Variants in AGO4 observed in about 807,000 individuals in gnomAD.
AGO4 encodes the protein protein argonaute-4.
AGO4 carries 33 observed loss-of-function variants against 104.7 expected under a neutral mutation model. That is an observed-to-expected ratio of 0.32 (90% CI 0.24 to 0.42). AGO4 has a LOEUF of 0.42. Among genes scored for constraint, AGO4 ranks in the 10% least tolerant of loss-of-function variants. The pLI is 1.00. For missense variants in AGO4, 711 were observed against 1,083.4 expected (o/e 0.66, Z 4.83); for synonymous variants, 331 against 364.7 (o/e 0.91, Z 1.05).
intron 3 of AGO4, 121 bp downstream of exon 3, chr1:35,823,103 T>TTAA: frequency 8.5e-7 from 1 of 1,179,824 alleles, no homozygotes; most frequent in Non-Finnish European, 1.2e-6. Context: ...GATATCCTAA[T>TTAA]TAACCTGATT....
intron 7 of AGO4, among the ~76,000 whole-genome samples, chr1:35,829,840 TAAAAAAAAA>T (rs752406279): frequency 6.4e-5 from 4 of 62,184 alleles, no homozygotes; most frequent in Non-Finnish European, 8.7e-5. Context: ...GACTACATCT[TAAAAAAAAA>T]AAAAAAAAAA....
At chr1:35,847,924 T>G (rs1644611807) in intron 15 of AGO4, among the ~76,000 whole-genome samples, 1 of 152,034 alleles carries the variant, frequency 6.6e-6, no homozygotes. Flanking sequence ...ACAAATAATG[T>G]GCAGTGATCA....
intron 10 of AGO4, 80 bp downstream of exon 10, chr1:35,832,265 A>C: frequency 6.4e-7 from 1 of 1,563,708 alleles, no homozygotes; most frequent in South Asian, 1.2e-5. Context: ...CTACTCTGCC[A>C]CTGCTGAATT....
At chr1:35,819,244 G>T (rs1473538784) in intron 2 of AGO4, among the ~76,000 whole-genome samples, 1 of 152,132 alleles carries the variant, frequency 6.6e-6, no homozygotes, top group East Asian at 1.9e-4. Flanking sequence ...CAGAAGCAGG[G>T]AGTAGCAGAT....
At chr1:35,824,891 T>G (rs1557557944) in intron 3 of AGO4, among the ~76,000 whole-genome samples, 1 of 152,192 alleles carries the variant, frequency 6.6e-6, no homozygotes, top group East Asian at 1.9e-4. Context: ...TTTTCAGAAC[T>G]TTTTCATCAT....
chr1:35,807,697 G>C (rs1643340617), upstream of AGO4, among the ~76,000 whole-genome samples: 1 of 152,200 alleles, frequency 6.6e-6, no homozygotes, highest in Non-Finnish European at 1.5e-5. Context: ...TGAATGAAGG[G>C]ATGAAGGAGG....
chr1:35,843,223 G>T (rs2148680467), intron 15 of AGO4, among the ~76,000 whole-genome samples: 1 of 152,094 alleles, frequency 6.6e-6, no homozygotes, highest in East Asian at 1.9e-4. Flanking sequence ...CCACCACCAT[G>T]CCCAGCTAAT....
At chr1:35,821,025 T>A (rs1643876961) in intron 2 of AGO4, among the ~76,000 whole-genome samples, 1 of 152,224 alleles carries the variant, frequency 6.6e-6, no homozygotes, top group South Asian at 2.1e-4. Context: ...AATCATTGTG[T>A]GATCAGGGAC....
intron 7 of AGO4, among the ~76,000 whole-genome samples, chr1:35,829,764 A>G (rs546312464): frequency 2.0e-5 from 3 of 146,412 alleles, no homozygotes; most frequent in African/African-American, 7.5e-5. Flanking sequence ...CAGGAGAATC[A>G]CTTGAACCCG....
chr1:35,853,545 G>A lies in AGO4; in HGVS notation c.2526G>A (p.Gln842=). The A allele has an allele frequency of 6.2e-7, 1 of 1,613,968 alleles. No individual in the cohort carries two copies. Among genetic ancestry groups the A allele is most frequent in the East Asian group, 2.2e-5 (1 of 44,878 alleles). ...VSGQSNGRDP[Q]ALAKAVQIHH... is the part of the protein sequence containing the mutation. ...GACAGAGCAACGGCCGGGATCCTCAGGCCTTGGCTAAGGCTGTGCAAATCC... is the reference window on the plus strand; with the variant it reads ...GACAGAGCAACGGCCGGGATCCTCAAGCCTTGGCTAAGGCTGTGCAAATCC... The change falls in exon 18 of 18, where the codon CAG becomes CAA. Residue 842 remains glutamine, a synonymous_variant. Transcript: ENST00000373210.
At chr1:35,836,770 C>G (rs1363693977) in intron 13 of AGO4, among the ~76,000 whole-genome samples, 6 of 152,216 alleles carry the variant, frequency 3.9e-5, no homozygotes, top group Non-Finnish European at 7.3e-5. Flanking sequence ...AACACTCTTT[C>G]TGTTGTGTGG....
rs1361844452 is a variant in AGO4 at position 35,855,811 on chromosome 1, A to T, written c.*2206A>T. On this transcript the variant is annotated 3_prime_UTR_variant, in exon 18 of 18. Transcript: ENST00000373210. The stretch of plus-strand genomic sequence containing the variant: ...GGCCACTCTGGACCCAAGAGGAGGA[A>T]AAAACGGAAGCTTTTTTAGGAGAAG... 3 of 152,208 alleles carry T rather than the reference A, an allele frequency of 2.0e-5. No homozygotes were observed. The highest frequency in any genetic ancestry group is 4.4e-5 in the Non-Finnish European group (3 of 68,060). The allele number at this position is 152,208 out of a possible 1,614,324, so 9.4% of individuals were successfully genotyped here. A position where few individuals can be genotyped will look rare whatever the true frequency, so the allele number is the denominator to read the frequency against.
chr1:35,808,435 G>C lies in AGO4; in HGVS notation c.19G>C (p.Gly7Arg). ...CGCCGCCATGGAGGCGCTGGGACCC[G>C]GTGAGGAGCGAGCTCGGGTCGGGGC... MEALGP[G>R]PPASLFQPPR... Residue 7 changes from glycine (G) to arginine (R), a missense_variant and splice_region_variant, in exon 1 of 18, where the codon GGA becomes CGA. By Grantham distance (125) the Gly-to-Arg change is moderately radical. Transcript: ENST00000373210. The surrounding 1 kb of genome is among the most constrained non-coding windows in gnomAD (Gnocchi z 5.2). 1 of 1,169,970 alleles carries C rather than the reference G, an allele frequency of 8.5e-7. No homozygotes were observed. The highest frequency in any genetic ancestry group is 1.1e-6 in the Non-Finnish European group (1 of 948,864). The allele number at this position is 1,169,970 out of a possible 1,614,324, so 72.5% of individuals were successfully genotyped here. A position where few individuals can be genotyped will look rare whatever the true frequency, so the allele number is the denominator to read the frequency against.
At chr1:35,844,160 G>A (rs1284025630) in intron 15 of AGO4, among the ~76,000 whole-genome samples, 1 of 152,054 alleles carries the variant, frequency 6.6e-6, no homozygotes, top group Non-Finnish European at 1.5e-5. Flanking sequence ...TCCTACCTGA[G>A]CCTCCCAAGT....
intron 6 of AGO4, 60 bp from the exon 7 acceptor site, chr1:35,826,688 T>C (rs766168008): frequency 3.1e-5 from 42 of 1,361,222 alleles, no homozygotes; most frequent in Non-Finnish European, 4.4e-5. Flanking sequence ...AACATTTGAA[T>C]CTGTTTTTGC....
At chr1:35,810,385 T>C (rs576184263) in intron 1 of AGO4, among the ~76,000 whole-genome samples, 26 of 152,308 alleles carry the variant, frequency 1.7e-4, no homozygotes, top group South Asian at 1.4e-3. Flanking sequence ...GATCTAGTGC[T>C]TTGTGCCCTC....
At chr1:35,833,577 T>A (rs139575605) in intron 11 of AGO4, among the ~76,000 whole-genome samples, 1 of 152,344 alleles carries the variant, frequency 6.6e-6, no homozygotes, top group East Asian at 1.9e-4. Flanking sequence ...TGTTCTCAGT[T>A]GAGCACAAGC....
chr1:35,813,652 GGT>G (rs1384303641), intron 1 of AGO4, among the ~76,000 whole-genome samples: 3 of 151,660 alleles, frequency 2.0e-5, no homozygotes, highest in African/African-American at 7.3e-5. Flanking sequence ...TGGAGGCTGA[GGT>G]GGGAGGATCA....
Position 35,835,892 on chromosome 1 carries a change from A to T in AGO4, c.1623A>T (p.Val541=). ...LLGMATQCVQ[V]KNVVKTSPQT... ...GTATGGCCACACAGTGTGTCCAGGT[A>T]AAAAATGTAGTGAAGACCTCACCTC... Residue 541 remains valine, a synonymous_variant, in exon 13 of 18, where the codon GTA becomes GTT. Transcript: ENST00000373210. 6.2e-7 allele frequency: 1 copy of T among 1,613,904 alleles called. No individual in the cohort carries two copies.
Sources: gnomAD v4.1 joint callset for allele counts (sites outside exome capture counted in the v4.1 genomes callset) on GRCh38, gnomAD v4.1.1 for gene constraint, Gnocchi (gnomAD v3.1) non-coding constraint, MANE v1.5 for transcripts, NCBI Gene and HGNC (gene_info 2026-07-23, HGNC 2026-07-21) for gene names.